RIMS1: variants seen among roughly 807,000 people sequenced by gnomAD.
RIMS1 encodes the protein regulating synaptic membrane exocytosis 1.
In RIMS1, 83 loss-of-function variants were observed where a neutral mutation model predicts 214.1. That is an observed-to-expected ratio of 0.39 (90% CI 0.32 to 0.47). The LOEUF is 0.47. RIMS1 is among the 20% of genes least tolerant of loss of function. RIMS1 has a pLI of 0.99. For missense variants in RIMS1, 2,050 were observed against 2,161.8 expected (o/e 0.95, Z 1.03); for synonymous variants, 793 against 786.8 (o/e 1.01, Z -0.13).
chr6:72,290,637 GA>G, intron 24 of RIMS1, 41 bp from the exon 25 acceptor site: 1 of 1,568,760 alleles, frequency 6.4e-7, no homozygotes, highest in African/African-American at 1.3e-5. Flanking sequence ...AAGTTAATGT[GA>G]ACCTGCTGAC....
At chr6:72,128,390 G>A (rs1355483339) in intron 4 of RIMS1, among the ~76,000 whole-genome samples, 10 of 151,058 alleles carry the variant, frequency 6.6e-5, no homozygotes, top group African/African-American at 1.5e-4. Context: ...TCCCCTCCCC[G>A]CTTCTTGTCC....
intron 29 of RIMS1, among the ~76,000 whole-genome samples, chr6:72,373,239 G>A (rs1336656541): frequency 6.6e-6 from 1 of 152,150 alleles, no homozygotes; most frequent in Non-Finnish European, 1.5e-5. Context: ...TTTCAGCTCA[G>A]TGCTTATTTT....
At chr6:72,281,033 A>G (rs904984680) in intron 23 of RIMS1, among the ~76,000 whole-genome samples, 1 of 152,098 alleles carries the variant, frequency 6.6e-6, no homozygotes, top group Non-Finnish European at 1.5e-5. Context: ...AAGTAATTTC[A>G]CCAAAATCGC....
intron 2 of RIMS1, among the ~76,000 whole-genome samples, chr6:72,058,803 G>A (rs904021209): frequency 1.3e-5 from 2 of 152,076 alleles, no homozygotes; most frequent in African/African-American, 4.8e-5. Context: ...ACAAAGTTTC[G>A]GGAAAAATGT....
intron 29 of RIMS1, among the ~76,000 whole-genome samples, chr6:72,365,386 T>C (rs2097959887): frequency 6.6e-6 from 1 of 152,210 alleles, no homozygotes; most frequent in South Asian, 2.1e-4. Context: ...GAGAGGCAGA[T>C]ACATTGTTTA....
At chr6:72,253,139 A>G (rs977738495) in intron 16 of RIMS1, among the ~76,000 whole-genome samples, 2 of 152,186 alleles carry the variant, frequency 1.3e-5, no homozygotes, top group African/African-American at 2.4e-5. Context: ...AGATGGGGTT[A>G]TTAAATAAAA....
chr6:72,209,964 G>A (rs1589155178), intron 6 of RIMS1, among the ~76,000 whole-genome samples: 1 of 150,566 alleles, frequency 6.6e-6, no homozygotes. Flanking sequence ...GCCTCCATAT[G>A]ATTATGTAGA....
chr6:72,086,809 T>C (rs914393921), intron 2 of RIMS1, among the ~76,000 whole-genome samples: 1 of 152,216 alleles, frequency 6.6e-6, no homozygotes, highest in African/African-American at 2.4e-5. Context: ...TCAGAGATGA[T>C]ATTTAATCAG....
rs113889530 is a variant in RIMS1, at chr6:72,054,055, C to T, written c.246-42894C>T. Among the ~76,000 whole-genome samples the T allele has an allele frequency of 5.6e-3, 856 of 152,090 alleles. 10 individuals carry two copies. The highest frequency in any genetic ancestry group is 0.02 in the African/African-American group (818 of 41,484). ...AGCCCTGCATGCATTAGCTATTTGT[C>T]CTAATTGCTCTCCCTCCCCTTGCCC... On this transcript the variant is annotated intron_variant, in intron 2 of 33. Coordinates refer to ENST00000521978, the MANE Select transcript of RIMS1 (RefSeq NM_014989.7).
intron 29 of RIMS1, among the ~76,000 whole-genome samples, chr6:72,347,307 T>G (rs1179183819): frequency 6.6e-6 from 1 of 151,862 alleles, no homozygotes; most frequent in African/African-American, 2.4e-5. Context: ...TATCCCAGTA[T>G]GTAGCACAAA....
chr6:72,252,091 A>G (rs922252878), intron 15 of RIMS1, among the ~76,000 whole-genome samples: 14 of 152,172 alleles, frequency 9.2e-5, no homozygotes, highest in Middle Eastern at 3.2e-3. Context: ...CTATTCATCT[A>G]GTGATTGGGA....
intron 23 of RIMS1, among the ~76,000 whole-genome samples, chr6:72,277,425 C>CA (rs1302511126): frequency 3.6e-4 from 55 of 151,856 alleles, no homozygotes; most frequent in African/African-American, 3.9e-4. Context: ...GCTAAAAATA[C>CA]AAAAAAATTA....
intron 2 of RIMS1, among the ~76,000 whole-genome samples, chr6:72,090,000 T>C (rs1835761220): frequency 8.3e-6 from 1 of 120,884 alleles, no homozygotes; most frequent in Non-Finnish European, 1.6e-5. Context: ...AAGGAGAATA[T>C]CACACTCTGG....
intron 2 of RIMS1, among the ~76,000 whole-genome samples, chr6:72,038,118 AATATATATATATATATATATAT>A (rs70994111): frequency 7.5e-5 from 1 of 13,418 alleles, no homozygotes; most frequent in Admixed American, 1.4e-3. Context: ...AAAAAAAAAA[AATATATATATATATATATATAT>A]ATATATATAT....
intron 2 of RIMS1, among the ~76,000 whole-genome samples, chr6:72,006,525 C>T (rs537438083): frequency 3.3e-5 from 5 of 152,248 alleles, no homozygotes; most frequent in South Asian, 2.1e-4. Context: ...CGAGGCAAGG[C>T]GAGGCATTGC....
At chr6:72,133,015 T>A (rs1215393622) in intron 4 of RIMS1, among the ~76,000 whole-genome samples, 1 of 152,058 alleles carries the variant, frequency 6.6e-6, no homozygotes, top group Non-Finnish European at 1.5e-5. Context: ...GAAAATTGAG[T>A]CACAGCACAA....
chr6:72,148,068 T>C (rs1403405966), intron 4 of RIMS1, among the ~76,000 whole-genome samples: 1 of 152,230 alleles, frequency 6.6e-6, no homozygotes, highest in Non-Finnish European at 1.5e-5. Flanking sequence ...ATTGCTCAGC[T>C]AAATTTGTAA....
chr6:72,240,467 A>G (rs189772997), intron 9 of RIMS1, among the ~76,000 whole-genome samples: 12 of 151,830 alleles, frequency 7.9e-5, no homozygotes, highest in Non-Finnish European at 8.8e-5. Context: ...GTGTATATAT[A>G]TATGTATGTA....
At chr6:72,275,893 C>CT (rs1563414642) in intron 23 of RIMS1, among the ~76,000 whole-genome samples, 1 of 152,188 alleles carries the variant, frequency 6.6e-6, no homozygotes, top group African/African-American at 2.4e-5. Context: ...CATCAGGGAA[C>CT]TTAGAATTTT....
Sources: gnomAD v4.1 joint callset for allele counts (sites outside exome capture counted in the v4.1 genomes callset) on GRCh38, gnomAD v4.1.1 for gene constraint, MANE v1.5 for transcripts, NCBI Gene and HGNC (gene_info 2026-07-23, HGNC 2026-07-21) for gene names.